MANEA: variants seen among roughly 807,000 people sequenced by gnomAD.
The protein encoded by MANEA is mannosidase endo-alpha.
MANEA carries 25 observed loss-of-function variants against 36.8 expected under a neutral mutation model. The observed-to-expected ratio is 0.68, with a 90% CI of 0.50 to 0.95. The LOEUF (loss-of-function observed/expected upper bound fraction) is 0.95, where lower values mean the gene tolerates loss of function less well. Among genes scored for constraint, MANEA ranks in the 40% least tolerant of loss-of-function variants. The pLI, the probability that MANEA is intolerant of heterozygous loss-of-function variation, is 0.00. For synonymous variants in MANEA, 198 were observed against 188.5 expected (o/e 1.05, Z -0.41); for missense variants, 565 against 558.8 (o/e 1.01, Z -0.11).
chr6:95,586,103 A>G (rs561159424), intron 1 of MANEA, among the ~76,000 whole-genome samples: 1 of 152,360 alleles, frequency 6.6e-6, no homozygotes, highest in East Asian at 1.9e-4. Context: ...AATGAAAAAC[A>G]TATTTTAATT....
At chr6:95,593,069 C>T (rs778791612) in intron 2 of MANEA, among the ~76,000 whole-genome samples, 4 of 152,130 alleles carry the variant, frequency 2.6e-5, no homozygotes, top group Non-Finnish European at 4.4e-5. Flanking sequence ...CTAGAGTTTG[C>T]TAAGCAATTA....
chr6:95,608,010 T>A lies in MANEA; in HGVS notation c.*1605T>A, dbSNP rs1315101281. The A allele has an allele frequency of 6.6e-6, 1 of 151,836 alleles. No individual in the cohort carries two copies. Among genetic ancestry groups the A allele is most frequent in the African/African-American group, 2.4e-5 (1 of 41,436 alleles). 9.4% of individuals were successfully genotyped at this position (151,836 alleles called of 1,614,324 possible). A position where few individuals can be genotyped will look rare whatever the true frequency, so the allele number is the denominator to read the frequency against. On this transcript the variant is annotated 3_prime_UTR_variant, in exon 5 of 5. Coordinates refer to ENST00000358812, the MANE Select transcript of MANEA (RefSeq NM_024641.4). ...AAGCATTATTAATGTTTAATTTATT[T>A]AAAATTTTGGAATTTGCCATTTCTC...
intron 3 of MANEA, among the ~76,000 whole-genome samples, chr6:95,597,487 C>G (rs150695177): frequency 9.2e-5 from 14 of 152,052 alleles, no homozygotes; most frequent in African/African-American, 3.4e-4. Flanking sequence ...TAAATAAGCA[C>G]TGTTTTTAAT....
At chr6:95,588,254 A>G (rs1050594518) in intron 2 of MANEA, 4 of 152,082 alleles carry the variant, frequency 2.6e-5, no homozygotes, top group Non-Finnish European at 5.9e-5. Flanking sequence ...TTCCAGCTCT[A>G]CATAAAGGTA....
In MANEA at chr6:95,606,374, A is replaced by G; in HGVS notation, c.1358A>G (p.Tyr453Cys). 2 of 1,599,522 alleles carry G rather than the reference A, an allele frequency of 1.3e-6. No individual in the cohort carries two copies. The highest frequency in any genetic ancestry group is 1.7e-6 in the Non-Finnish European group (2 of 1,178,056). Residue 453 changes from tyrosine (Y) to cysteine (C), a missense_variant, in exon 5 of 5, where the codon TAT (tyrosine) becomes TGT (cysteine). Coordinates refer to ENST00000358812, the MANE Select transcript of MANEA (RefSeq NM_024641.4). Reference sequence around the variant, plus strand: ...AAATACAGTAAGGAAAGAGCAACTTATGCATTAGATCGCCAGCTGCCTGTT... The same window carrying G: ...AAATACAGTAAGGAAAGAGCAACTTGTGCATTAGATCGCCAGCTGCCTGTT... ...SEKYSKERAT[Y>C]ALDRQLPVS
chr6:95,585,580 G>C (rs751930984), intron 1 of MANEA, among the ~76,000 whole-genome samples: 20 of 152,300 alleles, frequency 1.3e-4, no homozygotes, highest in Admixed American at 3.3e-4. Flanking sequence ...CTTCCAAAGT[G>C]CTGGGATTAC....
chr6:95,601,966 G>A (rs1230395153), intron 3 of MANEA, among the ~76,000 whole-genome samples: 1 of 151,940 alleles, frequency 6.6e-6, no homozygotes, highest in South Asian at 2.1e-4. Context: ...TGTGAAACAT[G>A]AATATAAGTA....
chr6:95,585,134 TC>T (rs1769256375), intron 1 of MANEA, among the ~76,000 whole-genome samples: 3 of 87,460 alleles, frequency 3.4e-5, no homozygotes, highest in African/African-American at 4.9e-5. Flanking sequence ...ATACTTATAC[TC>T]ATATATATAT....
At chr6:95,584,526 C>G (rs1020781765) in intron 1 of MANEA, among the ~76,000 whole-genome samples, 1 of 152,150 alleles carries the variant, frequency 6.6e-6, no homozygotes, top group Non-Finnish European at 1.5e-5. Context: ...GCTCTCGAAC[C>G]CTGTTTTCTG....
intron 1 of MANEA, among the ~76,000 whole-genome samples, chr6:95,580,791 G>A: frequency 6.6e-6 from 1 of 151,006 alleles, no homozygotes; most frequent in East Asian, 1.9e-4. Context: ...AATATATGAG[G>A]AATAAGTACT....
At chr6:95,604,718 T>C (rs537508111) in intron 3 of MANEA, 109 bp from the exon 4 acceptor site, 2 of 483,058 alleles carry the variant, frequency 4.1e-6, no homozygotes, top group South Asian at 7.7e-5. Context: ...TAAATATTCA[T>C]CTTTAATTAA....
At position 95,607,704 on chromosome 6, in the gene MANEA, A is replaced by G. The variant is rs1769742346; in HGVS notation, c.*1299A>G. On this transcript the variant is annotated 3_prime_UTR_variant, in exon 5 of 5. Transcript: ENST00000358812. ...TTGATCACTTGTGTACGAAAAATAA[A>G]TCTCCTTAAAAACTAAATAAAATGC... 3 of 151,856 alleles carry G rather than the reference A, an allele frequency of 2.0e-5. No individual in the cohort carries two copies. The highest frequency in any genetic ancestry group is 7.2e-5 in the African/African-American group (3 of 41,550). The allele number at this position is 151,856 out of a possible 1,614,324, so 9.4% of individuals were successfully genotyped here.
chr6:95,600,322 A>T (rs576040337), intron 3 of MANEA, among the ~76,000 whole-genome samples: 2 of 152,230 alleles, frequency 1.3e-5, no homozygotes, highest in Non-Finnish European at 2.9e-5. Context: ...CTATGTATAG[A>T]CAAAGAATAG....
At position 95,607,417 on chromosome 6, in the gene MANEA, G is replaced by A. The variant is rs1399443615; in HGVS notation, c.*1012G>A. 5.9e-5 allele frequency: 9 copies of A among 151,874 alleles called. No individual in the cohort carries two copies. Among genetic ancestry groups the A allele is most frequent in the Admixed American group, 3.3e-4 (5 of 15,244 alleles). 9.4% of individuals were successfully genotyped at this position (151,874 alleles called of 1,614,324 possible). A position where few individuals can be genotyped will look rare whatever the true frequency, so the allele number is the denominator to read the frequency against. ...TTTTAATACTTTAAGTTATTTTGAC[G>A]AAAAGTAATAGAGAAAATTTACTTA... On this transcript the variant is annotated 3_prime_UTR_variant, in exon 5 of 5. Transcript: ENST00000358812.
chr6:95,605,180 C>G (rs1359337889), intron 4 of MANEA, among the ~76,000 whole-genome samples: 1 of 151,962 alleles, frequency 6.6e-6, no homozygotes, highest in African/African-American at 2.4e-5. Flanking sequence ...TTTAAAATGA[C>G]ATTATTTTCT....
Position 95,584,485 on chromosome 6 carries a change from C to T in MANEA, c.-38-1917C>T, listed in dbSNP as rs551432262. On this transcript the variant is annotated intron_variant, in intron 1 of 4. Coordinates refer to ENST00000358812, the MANE Select transcript of MANEA (RefSeq NM_024641.4). ...GCCCTGGTCTCCTCCAGTACCCCAC[C>T]CTGGTGAATTTGAGGTCAGACTGGT... Among the ~76,000 whole-genome samples the T allele has an allele frequency of 5.4e-4, 82 of 152,196 alleles. 1 individual carries two copies. Among genetic ancestry groups the T allele is most frequent in the Non-Finnish European group, 6.0e-4 (41 of 68,000 alleles).
intron 3 of MANEA, among the ~76,000 whole-genome samples, chr6:95,600,899 A>C (rs912095760): frequency 6.6e-6 from 1 of 152,208 alleles, no homozygotes; most frequent in Non-Finnish European, 1.5e-5. Context: ...TAGTCATTAA[A>C]TATTTTGTAA....
At chr6:95,592,611 T>C (rs536461279) in intron 2 of MANEA, among the ~76,000 whole-genome samples, 67 of 152,322 alleles carry the variant, frequency 4.4e-4, no homozygotes, top group African/African-American at 1.5e-3. Context: ...GCTCTAAATT[T>C]CCTATGAACA....
chr6:95,602,373 G>A (rs1769609713), intron 3 of MANEA, among the ~76,000 whole-genome samples: 1 of 152,154 alleles, frequency 6.6e-6, no homozygotes, highest in Non-Finnish European at 1.5e-5. Context: ...CCACATAGGA[G>A]TAGGAAGACC....
Sources: allele counts gnomAD v4.1 joint callset (sites outside exome capture counted in the v4.1 genomes callset), GRCh38; gene constraint gnomAD v4.1.1; transcripts MANE v1.5; gene names NCBI Gene and HGNC (gene_info 2026-07-23, HGNC 2026-07-21).